USH2A: variants seen among roughly 807,000 people sequenced by gnomAD.
The protein encoded by USH2A is Usher syndrome 2A (autosomal recessive, mild).
A neutral mutation model predicts 538.9 loss-of-function variants in USH2A; 443 were observed. The observed-to-expected ratio is 0.82, with a 90% confidence interval of 0.76 to 0.89. The LOEUF is 0.89. Ranked by LOEUF, USH2A falls within the 40% of genes least tolerant of loss-of-function variation. The probability of loss-of-function intolerance (pLI) is 0.00; values close to 1 mark genes in which losing one functional copy is unlikely to be tolerated. For missense variants in USH2A, 6,633 were observed against 6,324.8 expected (o/e 1.05, Z -1.65); for synonymous variants, 2,413 against 2,273.5 (o/e 1.06, Z -1.75).
At chr1:216,058,178 C>CTGT (rs2031048389) in intron 30 of USH2A, among the ~76,000 whole-genome samples, 1 of 127,294 alleles carries the variant, frequency 7.9e-6, no homozygotes, top group Admixed American at 7.4e-5. Context: ...GTGTGGGTCT[C>CTGT]GCCTATGAAC....
chr1:215,650,503 G>C (rs987540925), intron 65 of USH2A, 89 bp downstream of exon 65: 2 of 1,479,220 alleles, frequency 1.4e-6, no homozygotes, highest in Non-Finnish European at 1.9e-6. Context: ...AAGAAAGATG[G>C]AGGGAAAAAC....
intron 40 of USH2A, among the ~76,000 whole-genome samples, chr1:215,894,241 G>A (rs1227240425): frequency 6.6e-6 from 1 of 152,108 alleles, no homozygotes; most frequent in East Asian, 1.9e-4. Context: ...ATATAAATAT[G>A]TTCCACTCTC....
Position 215,912,492 on chromosome 1 carries a change from T to C in USH2A, c.7301-11587A>G, listed in dbSNP as rs1333448443. Among the ~76,000 whole-genome samples the C allele has an allele frequency of 9.0e-3, 313 of 34,942 alleles. 3 individuals carry two copies. Among genetic ancestry groups the C allele is most frequent in the African/African-American group, 0.03 (296 of 9,832 alleles). The allele number at this position is 34,942 out of a possible 152,430, so 22.9% of individuals were successfully genotyped here. A position where few individuals can be genotyped will look rare whatever the true frequency, so the allele number is the denominator to read the frequency against. ...ATATATATACGTATATATATATATGTGTATATATATATATATATACGTGTA... is the reference window on the plus strand; with the variant it reads ...ATATATATACGTATATATATATATGCGTATATATATATATATATACGTGTA... On this transcript the variant is annotated intron_variant, in intron 38 of 71. Transcript: ENST00000307340.
chr1:216,286,178 T>C (rs376753600), intron 11 of USH2A, among the ~76,000 whole-genome samples: 2 of 152,232 alleles, frequency 1.3e-5, no homozygotes, highest in South Asian at 4.1e-4. Context: ...TCTTGAATTG[T>C]AGTTCCCATA....
chr1:216,409,977 C>A (rs1478342809), intron 3 of USH2A, among the ~76,000 whole-genome samples: 5 of 152,208 alleles, frequency 3.3e-5, no homozygotes, highest in African/African-American at 1.2e-4. Context: ...TGGCAAAGGT[C>A]TGATAGCTGG....
chr1:215,677,299 T>G (rs180894404), intron 62 of USH2A, among the ~76,000 whole-genome samples: 315 of 152,314 alleles, frequency 2.1e-3, no homozygotes, highest in Non-Finnish European at 2.7e-3. Context: ...GTTATTCTCA[T>G]TATCTCCTAC....
intron 38 of USH2A, chr1:215,901,339 C>T (rs1665495584): frequency 4.6e-6 from 1 of 217,998 alleles, no homozygotes; most frequent in Admixed American, 5.3e-5. Flanking sequence ...CACACCACTA[C>T]ATGTGAACAC....
intron 64 of USH2A, among the ~76,000 whole-genome samples, chr1:215,651,600 T>C (rs931952702): frequency 6.6e-6 from 1 of 152,078 alleles, no homozygotes; most frequent in Non-Finnish European, 1.5e-5. Context: ...CCCCCGAGCT[T>C]TTAAAGACAA....
At chr1:215,671,665 C>T (rs376317002) in intron 63 of USH2A, among the ~76,000 whole-genome samples, 6 of 152,168 alleles carry the variant, frequency 3.9e-5, no homozygotes, top group African/African-American at 1.4e-4. Flanking sequence ...AAATAACTCT[C>T]AAGATTCTTT....
At chr1:215,690,809 C>G (rs540339580) in intron 61 of USH2A, among the ~76,000 whole-genome samples, 5 of 152,220 alleles carry the variant, frequency 3.3e-5, no homozygotes, top group African/African-American at 1.2e-4. Flanking sequence ...CAGAATCCTA[C>G]CAGTTCACAC....
Position 215,838,016 on chromosome 1 carries a change from G to A in USH2A, c.9346C>T (p.Pro3116Ser). ...CTTGAAGTGATGCCACGAATTGTGG[G>A]TGTTGGTATATCACTTGGAGTGTCT... ...VEDTPSDIPT[P>S]TIRGITSRSL... Residue 3116 changes from proline to serine, a missense_variant, in exon 47 of 72, where the codon CCC becomes TCC. Coordinates refer to ENST00000307340, the MANE Select transcript of USH2A (RefSeq NM_206933.4). 6.2e-7 allele frequency: 1 copy of A among 1,613,906 alleles called. No individual in the cohort carries two copies. Among genetic ancestry groups the A allele is most frequent in the Non-Finnish European group, 8.5e-7 (1 of 1,179,902 alleles).
At chr1:215,696,704 T>C (rs1376380476) in intron 61 of USH2A, among the ~76,000 whole-genome samples, 1 of 152,120 alleles carries the variant, frequency 6.6e-6, no homozygotes. Flanking sequence ...TGCTCTCATT[T>C]ATCAGCTTAA....
At chr1:216,349,085 G>A (rs1052000052) in intron 4 of USH2A, among the ~76,000 whole-genome samples, 24 of 152,094 alleles carry the variant, frequency 1.6e-4, no homozygotes, top group Admixed American at 1.2e-3. Flanking sequence ...TAAGCTTACC[G>A]AATGTTTTCT....
intron 4 of USH2A, among the ~76,000 whole-genome samples, chr1:216,339,484 T>C (rs908988116): frequency 2.6e-5 from 4 of 151,746 alleles, no homozygotes; most frequent in East Asian, 3.9e-4. Flanking sequence ...ATGCAGAATG[T>C]GGGAGGAGGT....
intron 32 of USH2A, among the ~76,000 whole-genome samples, chr1:216,031,608 G>A (rs1669126619): frequency 6.6e-6 from 1 of 152,138 alleles, no homozygotes; most frequent in Admixed American, 6.5e-5. Flanking sequence ...CTCAGTCTTC[G>A]CTATGTTGAA....
intron 16 of USH2A, among the ~76,000 whole-genome samples, chr1:216,206,218 T>C (rs1487424221): frequency 6.6e-6 from 1 of 152,216 alleles, no homozygotes; most frequent in Non-Finnish European, 1.5e-5. Flanking sequence ...CTATTTATTA[T>C]GTCTTCCAGT....
chr1:216,090,900 T>C (rs903446155), intron 22 of USH2A, among the ~76,000 whole-genome samples: 1 of 152,150 alleles, frequency 6.6e-6, no homozygotes, highest in Non-Finnish European at 1.5e-5. Flanking sequence ...TGTACTTAGT[T>C]AGCGTTAAAA....
intron 32 of USH2A, among the ~76,000 whole-genome samples, chr1:216,028,084 T>A (rs1013734067): frequency 3.3e-5 from 5 of 152,116 alleles, no homozygotes; most frequent in African/African-American, 1.2e-4. Flanking sequence ...CATCATTGGG[T>A]AATTTAAAGA....
intron 49 of USH2A, among the ~76,000 whole-genome samples, chr1:215,801,584 G>A (rs1662334323): frequency 6.6e-6 from 1 of 151,912 alleles, no homozygotes; most frequent in South Asian, 2.1e-4. Context: ...TACCAAGAAA[G>A]CGAAAGACTG....
Sources: gnomAD v4.1 joint callset for allele counts (sites outside exome capture counted in the v4.1 genomes callset) on GRCh38, gnomAD v4.1.1 for gene constraint, MANE v1.5 for transcripts, NCBI Gene and HGNC (gene_info 2026-07-23, HGNC 2026-07-21) for gene names.